The following PTPRD variants were observed in gnomAD, a reference collection of about 807,000 sequenced individuals.
PTPRD encodes protein tyrosine phosphatase receptor type D.
PTPRD carries 34 observed loss-of-function variants against 214.5 expected under a neutral mutation model. The ratio of observed to expected loss-of-function variants is 0.16; its 90% CI spans 0.12 to 0.21. The LOEUF is 0.21. PTPRD is among the 10% of genes least tolerant of loss of function. The pLI is 1.00. For synonymous variants in PTPRD, 1,128 were observed against 845.7 expected (o/e 1.33, Z -5.79); for missense variants, 2,545 against 2,398.7 (o/e 1.06, Z -1.27).
At position 10,359,552 on chromosome 9, in the gene PTPRD, C is replaced by T. The variant is rs575502471; in HGVS notation, c.-599-18535G>A. ...TTTCAGTAACAAGAAGATTTTGGCA[C>T]AAATTATTAATCTCTTTTCTTTATT... On this transcript the variant is annotated intron_variant, in intron 2 of 45. Transcript: ENST00000381196. Among the ~76,000 whole-genome samples the T allele has an allele frequency of 8.5e-5, 13 of 152,124 alleles. 1 individual carries two copies. Among genetic ancestry groups the T allele is most frequent in the Middle Eastern group, 3.4e-3 (1 of 294 alleles).
chr9:9,838,338 C>G (rs373499402), intron 5 of PTPRD, among the ~76,000 whole-genome samples: 2 of 151,798 alleles, frequency 1.3e-5, no homozygotes, highest in Non-Finnish European at 2.9e-5. Flanking sequence ...CCTGAGGAAT[C>G]GCCACACTGA....
chr9:9,757,738 A>C (rs2761713), intron 6 of PTPRD, among the ~76,000 whole-genome samples: 4 of 151,944 alleles, frequency 2.6e-5, no homozygotes, highest in African/African-American at 9.7e-5. Context: ...AAATATAAGA[A>C]AGGATATGCC....
chr9:8,730,713 T>C (rs1369024018), intron 12 of PTPRD, among the ~76,000 whole-genome samples: 1 of 152,226 alleles, frequency 6.6e-6, no homozygotes, highest in Non-Finnish European at 1.5e-5. Flanking sequence ...AACATTCACC[T>C]GAGGATTACA....
At chr9:9,935,784 A>C (rs1420293645) in intron 5 of PTPRD, among the ~76,000 whole-genome samples, 1 of 149,628 alleles carries the variant, frequency 6.7e-6, no homozygotes, top group Non-Finnish European at 1.5e-5. Flanking sequence ...ATCCTAAGCC[A>C]AAAGAACAAA....
intron 7 of PTPRD, among the ~76,000 whole-genome samples, chr9:9,717,720 C>G (rs550455964): frequency 6.6e-6 from 1 of 152,206 alleles, no homozygotes; most frequent in East Asian, 1.9e-4. Context: ...AATGGGAATA[C>G]CAAGCCAGAT....
intron 11 of PTPRD, among the ~76,000 whole-genome samples, chr9:8,839,646 T>C (rs891866187): frequency 1.7e-4 from 26 of 152,158 alleles, no homozygotes; most frequent in African/African-American, 5.8e-4. Flanking sequence ...TCTCAATCAT[T>C]ACTGGTAGCA....
At chr9:8,430,515 G>A (rs983279552) in intron 35 of PTPRD, among the ~76,000 whole-genome samples, 7 of 151,384 alleles carry the variant, frequency 4.6e-5, no homozygotes, top group Non-Finnish European at 7.4e-5. Flanking sequence ...GGACTCAAGC[G>A]ATCTGCCCGC....
At chr9:10,068,769 A>T (rs2097932811) in intron 3 of PTPRD, among the ~76,000 whole-genome samples, 1 of 152,064 alleles carries the variant, frequency 6.6e-6, no homozygotes, top group Admixed American at 6.6e-5. Flanking sequence ...GTGAAAAAAG[A>T]GTGGAATGCC....
intron 11 of PTPRD, among the ~76,000 whole-genome samples, chr9:8,945,358 C>T (rs189451060): frequency 1.6e-3 from 242 of 152,082 alleles, no homozygotes; most frequent in African/African-American, 4.6e-3. Flanking sequence ...TCTCACCTCC[C>T]GCCTGTAACA....
intron 2 of PTPRD, among the ~76,000 whole-genome samples, chr9:10,417,022 T>C (rs532416138): frequency 1.3e-5 from 2 of 151,990 alleles, no homozygotes; most frequent in East Asian, 3.9e-4. Flanking sequence ...CCTTGAATAG[T>C]AGAGGGTGTT....
At chr9:10,502,783 T>C (rs2044220987) in intron 2 of PTPRD, among the ~76,000 whole-genome samples, 1 of 152,044 alleles carries the variant, frequency 6.6e-6, no homozygotes, top group South Asian at 2.1e-4. Context: ...ACCCATAAAA[T>C]ATCCATTTAG....
intron 14 of PTPRD, among the ~76,000 whole-genome samples, chr9:8,551,006 T>C (rs915277345): frequency 1.2e-4 from 18 of 152,232 alleles, no homozygotes; most frequent in African/African-American, 3.4e-4. Context: ...TGTGGTTGAA[T>C]AGATTTCACT....
At chr9:10,553,980 A>G (rs1030608982) in intron 2 of PTPRD, among the ~76,000 whole-genome samples, 1 of 152,156 alleles carries the variant, frequency 6.6e-6, no homozygotes, top group African/African-American at 2.4e-5. Flanking sequence ...TTGTTCTTTA[A>G]TATCCCCTTT....
At chr9:9,625,582 G>C (rs554283266) in intron 7 of PTPRD, among the ~76,000 whole-genome samples, 2 of 151,198 alleles carry the variant, frequency 1.3e-5, no homozygotes, top group Non-Finnish European at 2.9e-5. Flanking sequence ...TGAGTGAGGG[G>C]AGGATGGGAC....
chr9:9,410,773 C>T (rs1437542163), intron 8 of PTPRD, among the ~76,000 whole-genome samples: 1 of 152,182 alleles, frequency 6.6e-6, no homozygotes, highest in Non-Finnish European at 1.5e-5. Context: ...CATTTTACTA[C>T]TGTATATTAA....
intron 3 of PTPRD, among the ~76,000 whole-genome samples, chr9:10,325,095 ACT>A (rs1408888312): frequency 6.6e-6 from 1 of 152,000 alleles, no homozygotes; most frequent in Non-Finnish European, 1.5e-5. Flanking sequence ...CCAATCTACT[ACT>A]CAGTGTAAAA....
At chr9:9,265,998 C>T (rs748225474) in intron 9 of PTPRD, among the ~76,000 whole-genome samples, 7 of 151,366 alleles carry the variant, frequency 4.6e-5, no homozygotes, top group Non-Finnish European at 8.9e-5. Flanking sequence ...CTCACATCTG[C>T]TTTAAGGACA....
chr9:10,284,418 A>G (rs564344994), intron 3 of PTPRD, among the ~76,000 whole-genome samples: 139 of 152,332 alleles, frequency 9.1e-4, no homozygotes, highest in African/African-American at 3.2e-3. Flanking sequence ...AGCATAGTAG[A>G]AAAACCATGT....
chr9:9,698,068 A>G lies in PTPRD; in HGVS notation c.-287+36465T>C, dbSNP rs542532196. On this transcript the variant is annotated intron_variant, in intron 7 of 45. Coordinates refer to ENST00000381196, the MANE Select transcript of PTPRD (RefSeq NM_002839.4). ...TTATTCTGTGTTATTTTGGAAATTA[A>G]TGAGTTTCCTTCAGATTACTATTTT... Among the ~76,000 whole-genome samples the G allele has an allele frequency of 9.2e-5, 14 of 152,298 alleles. No individual in the cohort carries two copies. The South Asian group carries it at 2.7e-3, about 29-fold the overall frequency.
Sources: allele counts gnomAD v4.1 joint callset (sites outside exome capture counted in the v4.1 genomes callset), GRCh38; gene constraint gnomAD v4.1.1; transcripts MANE v1.5; gene names NCBI Gene and HGNC (gene_info 2026-07-23, HGNC 2026-07-21).